Variants in DCTD observed in about 807,000 individuals in gnomAD.
The protein encoded by DCTD is deoxycytidylate deaminase.
DCTD carries 23 observed loss-of-function variants against 21.0 expected under a neutral mutation model. The ratio of observed to expected loss-of-function variants is 1.09; its 90% CI spans 0.79 to 1.55. The LOEUF is 1.55. Among genes scored for constraint, DCTD ranks in the 40% most tolerant of loss-of-function variants. DCTD has a pLI of 0.00. For synonymous variants in DCTD, 71 were observed against 81.1 expected (o/e 0.88, Z 0.67); for missense variants, 224 against 230.0 (o/e 0.97, Z 0.17).
upstream of DCTD, chr4:182,917,527 G>A (rs1738966656): frequency 3.7e-6 from 1 of 268,360 alleles, no homozygotes; most frequent in African/African-American, 2.3e-5. This position sits in a 1 kb window ranked among gnomAD's most constrained non-coding sequence, Gnocchi z 4.9. Flanking sequence ...CCGCAAAGGC[G>A]CTGCTCCGCG....
intron 3 of DCTD, among the ~76,000 whole-genome samples, chr4:182,908,002 T>C (rs180707943): frequency 4.6e-5 from 7 of 151,752 alleles, no homozygotes; most frequent in African/African-American, 1.7e-4. Flanking sequence ...TTAGCTAATG[T>C]GTGTATTACA....
upstream of DCTD, chr4:182,917,436 G>A: frequency 1.1e-6 from 1 of 905,930 alleles, no homozygotes; most frequent in Non-Finnish European, 1.3e-6. The surrounding 1 kb of genome is among the most constrained non-coding windows in gnomAD (Gnocchi z 4.9). Context: ...CGGGCGCCGC[G>A]CGTTCGCAGG....
chr4:182,897,537 T>A, intron 3 of DCTD, among the ~76,000 whole-genome samples: 1 of 151,360 alleles, frequency 6.6e-6, no homozygotes, highest in Admixed American at 6.6e-5. Flanking sequence ...TACATATATA[T>A]AAAGCTACTG....
At chr4:182,898,830 A>G (rs960091228) in intron 3 of DCTD, among the ~76,000 whole-genome samples, 1 of 152,218 alleles carries the variant, frequency 6.6e-6, no homozygotes, top group Non-Finnish European at 1.5e-5. Context: ...AGGCATACAT[A>G]ATCCCCAGTT....
rs536285936 is a variant in DCTD at position 182,903,072 on chromosome 4, A to C, written c.245-8467T>G. Reference sequence around the variant, plus strand: ...CCTCTCTCAGCTACGAATAGGAATAACGACACCCGCCCCTTCCCATCTCAC... The same window carrying C: ...CCTCTCTCAGCTACGAATAGGAATACCGACACCCGCCCCTTCCCATCTCAC... On this transcript the variant is annotated intron_variant, in intron 3 of 5. Coordinates refer to ENST00000438320, the MANE Select transcript of DCTD (RefSeq NM_001921.3). Among the ~76,000 whole-genome samples the C allele has an allele frequency of 3.6e-3, 542 of 152,278 alleles. 4 individuals are homozygous for C. Among genetic ancestry groups the C allele is most frequent in the African/African-American group, 0.012 (514 of 41,566 alleles).
At chr4:182,908,998 T>C (rs58195674) in intron 3 of DCTD, among the ~76,000 whole-genome samples, 2,238 of 152,310 alleles carry the variant, frequency 0.015, 56 homozygotes, top group African/African-American at 0.047. Context: ...GAGACAGATA[T>C]GTGTATTTTC....
In DCTD at chr4:182,917,135, C is replaced by T. The variant is rs1000235111; in HGVS notation, c.-8+176G>A. On this transcript the variant is annotated intron_variant, in intron 1 of 5. Coordinates refer to ENST00000438320, the MANE Select transcript of DCTD (RefSeq NM_001921.3). This position sits in a 1 kb window ranked among gnomAD's most constrained non-coding sequence, Gnocchi z 4.9. Reference sequence around the variant, plus strand: ...TGACTGCGGGGACCCCGAGCGCCCCCACCCCGCCCGCATTCTCCGATCTAA... The same window carrying T: ...TGACTGCGGGGACCCCGAGCGCCCCTACCCCGCCCGCATTCTCCGATCTAA... The T allele has an allele frequency of 2.0e-6, 2 of 987,752 alleles. No individual in the cohort carries two copies. Among genetic ancestry groups the T allele is most frequent in the African/African-American group, 3.5e-5 (2 of 57,234 alleles). The allele number at this position is 987,752 out of a possible 1,614,324, so 61.2% of individuals were successfully genotyped here. A position where few individuals can be genotyped will look rare whatever the true frequency, so the allele number is the denominator to read the frequency against.
At chr4:182,895,599 C>T (rs538067786) in intron 3 of DCTD, among the ~76,000 whole-genome samples, 2 of 152,334 alleles carry the variant, frequency 1.3e-5, no homozygotes, top group South Asian at 2.1e-4. Context: ...CAGGCGACAT[C>T]CTCCTTGAGG....
In DCTD at chr4:182,893,083, C is replaced by T; in HGVS notation, c.406G>A (p.Asp136Asn). The T allele has an allele frequency of 6.2e-7, 1 of 1,612,734 alleles. No homozygotes were observed. Among genetic ancestry groups the T allele is most frequent in the Admixed American group, 1.7e-5 (1 of 59,896 alleles). Residue 136 changes from aspartate to asparagine, a missense_variant, in exon 5 of 6, where the codon GAC (aspartate) becomes AAC (asparagine). Asp to Asn is a conservative substitution (Grantham distance 23). Transcript: ENST00000438320. ...IFMSDKYHDS[D>N]EATAARLLFN... ...AGGAGCCTCGCAGCAGTTGCCTCGT[C>T]ACTATCATGGTATTTATCAGACATG...
intron 3 of DCTD, among the ~76,000 whole-genome samples, chr4:182,908,992 C>G (rs1238226467): frequency 6.6e-6 from 1 of 152,138 alleles, no homozygotes; most frequent in Non-Finnish European, 1.5e-5. Context: ...AGAAAGGAGA[C>G]AGATATGTGT....
chr4:182,892,986 GCCTTCAC>G, intron 5 of DCTD, 38 bp downstream of exon 5: 2 of 1,166,556 alleles, frequency 1.7e-6, no homozygotes, highest in Non-Finnish European at 2.6e-6. Flanking sequence ...CTCTTCATCA[GCCTTCAC>G]CCTACCCCGT....
chr4:182,915,882 T>C, intron 1 of DCTD: 2 of 1,130,588 alleles, frequency 1.8e-6, no homozygotes, highest in East Asian at 5.9e-5. Flanking sequence ...GTCCTTTACC[T>C]GTCTCCCTTA....
At position 182,891,411 on chromosome 4, in the gene DCTD, T is replaced by C. The variant is rs1204948030; in HGVS notation, c.525A>G (p.Gln175=). The C allele has an allele frequency of 1.6e-5, 25 of 1,609,480 alleles. No homozygotes were observed. Among genetic ancestry groups the C allele is most frequent in the Non-Finnish European group, 2.1e-5 (25 of 1,175,922 alleles). ...DFDSINSRPS[Q]KLQ is the part of the protein sequence containing the mutation. Reference sequence around the variant, plus strand: ...AATGAGATGTAACTCACTGAAGCTTTTGACTCGGTCTGCTGTTAATTGAAT... The same window carrying C: ...AATGAGATGTAACTCACTGAAGCTTCTGACTCGGTCTGCTGTTAATTGAAT... The change falls in exon 6 of 6, where the codon CAA becomes CAG. Residue 175 remains glutamine, a synonymous_variant. Coordinates refer to ENST00000438320, the MANE Select transcript of DCTD (RefSeq NM_001921.3).
intron 3 of DCTD, among the ~76,000 whole-genome samples, chr4:182,906,536 A>C (rs1736755543): frequency 6.6e-6 from 1 of 152,208 alleles, no homozygotes; most frequent in Non-Finnish European, 1.5e-5. Flanking sequence ...TATAAAATAG[A>C]GTTAGGATTT....
rs1362758189 is a variant in DCTD at position 182,917,268 on chromosome 4, G to C, written c.-8+43C>G. 5.8e-6 allele frequency: 6 copies of C among 1,028,234 alleles called. No individual in the cohort carries two copies. In the African/African-American group the frequency reaches 1.0e-4, roughly 18 times the overall value. 63.7% of individuals were successfully genotyped at this position (1,028,234 alleles called of 1,614,324 possible). A position where few individuals can be genotyped will look rare whatever the true frequency, so the allele number is the denominator to read the frequency against. ...GGACGGTGCCACGCGGCGGTGGCTA[G>C]GGGCGCGCGGGCCGCGTACCCGCAC... On this transcript the variant is annotated intron_variant, in intron 1 of 5. Coordinates refer to ENST00000438320, the MANE Select transcript of DCTD (RefSeq NM_001921.3). The surrounding 1 kb of genome is among the most constrained non-coding windows in gnomAD (Gnocchi z 4.9).
At position 182,907,866 on chromosome 4, in the gene DCTD, C is replaced by T. The variant is rs188176703; in HGVS notation, c.244+7057G>A. 3.6e-3 allele frequency among the ~76,000 whole-genome samples: 545 copies of T among 152,172 alleles called. 3 individuals carry two copies. The highest frequency in any genetic ancestry group is 0.01 in the Middle Eastern group (3 of 294). On this transcript the variant is annotated intron_variant, in intron 3 of 5. Coordinates refer to ENST00000438320, the MANE Select transcript of DCTD (RefSeq NM_001921.3). ...TTGAGAAATAAATGTCAGGTGATGCCTCTAACAGCCCCACAGTCACTGGGC... is the reference window on the plus strand; with the variant it reads ...TTGAGAAATAAATGTCAGGTGATGCTTCTAACAGCCCCACAGTCACTGGGC...
At position 182,890,578 on chromosome 4, in the gene DCTD, C is replaced by T. The variant is rs555220879; in HGVS notation, c.*821G>A. ...TTGGGGACCCCTCCCATCCACAGCC[C>T]CAGCTGCCACCACGGCAGGGCATGG... On this transcript the variant is annotated 3_prime_UTR_variant, in exon 6 of 6. Transcript: ENST00000438320. 43 of 152,386 alleles carry T rather than the reference C, an allele frequency of 2.8e-4. No individual in the cohort carries two copies. The highest frequency in any genetic ancestry group is 9.9e-4 in the African/African-American group (41 of 41,588). 9.4% of individuals were successfully genotyped at this position (152,386 alleles called of 1,614,324 possible).
intron 4 of DCTD, among the ~76,000 whole-genome samples, chr4:182,893,919 TG>T (rs1217986216): frequency 6.6e-6 from 1 of 152,216 alleles, no homozygotes; most frequent in Admixed American, 6.5e-5. Flanking sequence ...GAGAGTTTTA[TG>T]GAGACAAAGT....
intron 3 of DCTD, among the ~76,000 whole-genome samples, chr4:182,905,514 A>T (rs1736537760): frequency 1.3e-5 from 2 of 151,934 alleles, no homozygotes. Context: ...TTTTTAGTAG[A>T]GACGGGGTTT....
Sources: allele counts gnomAD v4.1 joint callset (sites outside exome capture counted in the v4.1 genomes callset), GRCh38; gene constraint gnomAD v4.1.1; non-coding constraint Gnocchi (gnomAD v3.1); transcripts MANE v1.5; gene names NCBI Gene and HGNC (gene_info 2026-07-23, HGNC 2026-07-21).